The following ELMO1 variants were observed in gnomAD, a reference collection of about 807,000 sequenced individuals.
ELMO1 encodes engulfment and cell motility protein 1.
In ELMO1, 26 loss-of-function variants were observed where a neutral mutation model predicts 98.9. The observed-to-expected ratio is 0.26, with a 90% CI of 0.19 to 0.36. The LOEUF (loss-of-function observed/expected upper bound fraction) is 0.36. Ranked by LOEUF, ELMO1 falls within the 10% of genes least tolerant of loss-of-function variation. ELMO1 has a pLI of 1.00. For synonymous variants in ELMO1, 346 were observed against 346.0 expected (o/e 1.00, Z 0.00); for missense variants, 627 against 935.2 (o/e 0.67, Z 4.30).
At chr7:37,068,440 T>C (rs569521336) in intron 15 of ELMO1, among the ~76,000 whole-genome samples, 16 of 152,320 alleles carry the variant, frequency 1.1e-4, no homozygotes, top group African/African-American at 3.8e-4. Context: ...ATGACACTTA[T>C]TGTCAACATT....
At chr7:37,045,517 T>TA (rs1164114973) in intron 15 of ELMO1, among the ~76,000 whole-genome samples, 1 of 152,230 alleles carries the variant, frequency 6.6e-6, no homozygotes, top group Non-Finnish European at 1.5e-5. Flanking sequence ...AAAAACTTTC[T>TA]AAAAATGTTT....
rs374538528 is a variant in ELMO1, at chr7:37,421,240, A to C, written c.-74+27435T>G. ...CAACACAACAGCCCATTTCAAGAGA[A>C]AAACAGACACAAATACTAAGTATAT... On this transcript the variant is annotated intron_variant, in intron 1 of 21. Transcript: ENST00000310758. Among the ~76,000 whole-genome samples, 214 of 152,342 alleles carry C rather than the reference A, an allele frequency of 1.4e-3. 9 individuals carry two copies. The South Asian group carries it at 0.042, about 30-fold the overall frequency.
chr7:37,186,656 C>G (rs762801253), intron 13 of ELMO1, among the ~76,000 whole-genome samples: 2 of 152,126 alleles, frequency 1.3e-5, no homozygotes, highest in Non-Finnish European at 2.9e-5. Flanking sequence ...AGGATCTGAA[C>G]AGACATTTCC....
At chr7:37,054,771 C>T (rs554592025) in intron 15 of ELMO1, among the ~76,000 whole-genome samples, 1 of 152,282 alleles carries the variant, frequency 6.6e-6, no homozygotes, top group East Asian at 1.9e-4. Context: ...AGATAGCATG[C>T]ATGCCTACAG....
chr7:37,071,887 T>C (rs544025630), intron 15 of ELMO1, among the ~76,000 whole-genome samples: 2 of 151,924 alleles, frequency 1.3e-5, no homozygotes, highest in East Asian at 1.9e-4. Context: ...AGCTTTTAAA[T>C]ACACACACAC....
chr7:36,984,875 T>G, intron 16 of ELMO1: 10 of 981,930 alleles, frequency 1.0e-5, no homozygotes, highest in Non-Finnish European at 1.2e-5. Context: ...AAGCCCCAAC[T>G]TCAGCCCCCA....
chr7:36,942,324 G>A (rs1402526755), intron 16 of ELMO1, among the ~76,000 whole-genome samples: 1 of 152,180 alleles, frequency 6.6e-6, no homozygotes, highest in Non-Finnish European at 1.5e-5. Flanking sequence ...ATCAGGAAGC[G>A]CAGCTGCACA....
chr7:37,076,767 A>T (rs993703249), intron 15 of ELMO1, among the ~76,000 whole-genome samples: 5 of 152,190 alleles, frequency 3.3e-5, no homozygotes, highest in African/African-American at 4.8e-5. Flanking sequence ...CAGTGATGGT[A>T]TCATCCTGAG....
chr7:37,445,183 C>A (rs913168389), intron 1 of ELMO1, among the ~76,000 whole-genome samples: 1 of 152,196 alleles, frequency 6.6e-6, no homozygotes, highest in Non-Finnish European at 1.5e-5. Flanking sequence ...TGGGTTACAG[C>A]CGTAAGCTTA....
In ELMO1 at chr7:37,217,799, G is replaced by A. The variant is rs1394268770; in HGVS notation, c.781-1104C>T. The A allele has an allele frequency of 6.6e-6, 3 of 456,928 alleles. 1 individual carries two copies. The highest frequency in any genetic ancestry group is 3.1e-5 in the South Asian group (2 of 64,564). 28.3% of individuals were successfully genotyped at this position (456,928 alleles called of 1,614,324 possible). A position where few individuals can be genotyped will look rare whatever the true frequency, so the allele number is the denominator to read the frequency against. ...ACCACAGAAAGGAAAGCAAGCAGGA[G>A]AGAAGAAGGGATGGAAATTCAGAGG... On this transcript the variant is annotated intron_variant, in intron 10 of 21. Coordinates refer to ENST00000310758, the MANE Select transcript of ELMO1 (RefSeq NM_014800.11).
At chr7:36,988,220 C>T (rs1387055265) in intron 16 of ELMO1, among the ~76,000 whole-genome samples, 1 of 152,190 alleles carries the variant, frequency 6.6e-6, no homozygotes, top group Non-Finnish European at 1.5e-5. Context: ...CAACATTCAC[C>T]CTCAGGGTGG....
At chr7:37,025,895 T>TTCTA (rs57497721) in intron 15 of ELMO1, among the ~76,000 whole-genome samples, 43,361 of 142,676 alleles carry the variant, frequency 0.3, 6,686 homozygotes, top group South Asian at 0.34. Context: ...ATATTATATA[T>TTCTA]TCTATCTATC....
chr7:37,075,778 G>A (rs1797543938), intron 15 of ELMO1, among the ~76,000 whole-genome samples: 1 of 152,150 alleles, frequency 6.6e-6, no homozygotes, highest in Admixed American at 6.5e-5. Context: ...CTGTGAGCAG[G>A]AATTGCATGG....
At chr7:36,976,774 T>C (rs985857104) in intron 16 of ELMO1, among the ~76,000 whole-genome samples, 1 of 152,196 alleles carries the variant, frequency 6.6e-6, no homozygotes, top group East Asian at 1.9e-4. Flanking sequence ...TTAATGTACG[T>C]GTGGAAGCTG....
chr7:36,942,838 C>A (rs1787160716), intron 16 of ELMO1, among the ~76,000 whole-genome samples: 1 of 152,178 alleles, frequency 6.6e-6, no homozygotes, highest in African/African-American at 2.4e-5. Flanking sequence ...AATGAATACA[C>A]AGTACAGAAA....
chr7:37,259,363 A>G lies in ELMO1; in HGVS notation c.244-13T>C. 1 of 1,611,130 alleles carries G rather than the reference A, an allele frequency of 6.2e-7. No individual in the cohort carries two copies. Among genetic ancestry groups the G allele is most frequent in the Non-Finnish European group, 8.5e-7 (1 of 1,178,034 alleles). On this transcript the variant is annotated splice_polypyrimidine_tract_variant and intron_variant, in intron 5 of 21. Coordinates refer to ENST00000310758, the MANE Select transcript of ELMO1 (RefSeq NM_014800.11). ...GGGCGTTCTGAGCCTTATGGGGCAA[A>G]AGCAAAGGGAAGAGTGTTGACAAAC...
intron 16 of ELMO1, among the ~76,000 whole-genome samples, chr7:36,989,048 G>A (rs1177697120): frequency 6.6e-6 from 1 of 152,106 alleles, no homozygotes; most frequent in African/African-American, 2.4e-5. Flanking sequence ...CATTTATTGA[G>A]CAATTAATAA....
At chr7:36,916,296 C>T (rs1388395718) in intron 16 of ELMO1, among the ~76,000 whole-genome samples, 1 of 152,210 alleles carries the variant, frequency 6.6e-6, no homozygotes, top group Non-Finnish European at 1.5e-5. Context: ...CTAGGTCCAG[C>T]TTCTACCCAA....
intron 13 of ELMO1, among the ~76,000 whole-genome samples, chr7:37,140,536 A>G (rs563707255): frequency 1.9e-4 from 29 of 152,218 alleles, no homozygotes; most frequent in Non-Finnish European, 4.1e-4. Context: ...AATAGAAGGG[A>G]CTTAATTTAA....
Sources: gnomAD v4.1 joint callset for allele counts (sites outside exome capture counted in the v4.1 genomes callset) on GRCh38, gnomAD v4.1.1 for gene constraint, MANE v1.5 for transcripts, NCBI Gene and HGNC (gene_info 2026-07-23, HGNC 2026-07-21) for gene names.